The following NR1I2 variants were observed in gnomAD, a reference collection of about 807,000 sequenced individuals.
NR1I2 encodes the protein nuclear receptor subfamily 1 group I member 2.
In NR1I2, 42 loss-of-function variants were observed where a neutral mutation model predicts 43.3. The observed-to-expected ratio is 0.97, with a 90% CI of 0.76 to 1.26. NR1I2 has a LOEUF of 1.26. Ranked by LOEUF, NR1I2 falls within the 50% of genes most tolerant of loss-of-function variation. NR1I2 has a pLI of 0.00. For missense variants in NR1I2, 559 were observed against 566.7 expected (o/e 0.99, Z 0.14); for synonymous variants, 229 against 215.0 (o/e 1.06, Z -0.57).
intron 1 of NR1I2, among the ~76,000 whole-genome samples, chr3:119,801,158 C>T (rs2055074869): frequency 6.6e-6 from 1 of 152,188 alleles, no homozygotes; most frequent in Non-Finnish European, 1.5e-5. Flanking sequence ...TTTATTCACT[C>T]ATTTATTAAA....
At chr3:119,813,240 A>G (rs1241582469) in intron 5 of NR1I2, among the ~76,000 whole-genome samples, 1 of 152,242 alleles carries the variant, frequency 6.6e-6, no homozygotes, top group Admixed American at 6.5e-5. Context: ...GTGAAATAAG[A>G]ACACATCCGA....
intron 1 of NR1I2, among the ~76,000 whole-genome samples, chr3:119,794,580 C>T (rs1052324660): frequency 4.6e-5 from 7 of 152,020 alleles, no homozygotes; most frequent in Middle Eastern, 3.4e-3. Flanking sequence ...CCACCTCAGC[C>T]TCCCAAAGTG....
intron 1 of NR1I2, among the ~76,000 whole-genome samples, chr3:119,798,657 A>AAAAAG (rs2055034203): frequency 6.7e-6 from 1 of 148,286 alleles, no homozygotes; most frequent in African/African-American, 2.5e-5. Context: ...AAAAAAAAGA[A>AAAAAG]AAAGAAAGAA....
rs1453535065 is a variant in NR1I2 at position 119,817,939 on chromosome 3, T to A, written c.*727T>A. On this transcript the variant is annotated 3_prime_UTR_variant, in exon 9 of 9. Coordinates refer to ENST00000393716, the MANE Select transcript of NR1I2 (RefSeq NM_003889.4). ...ATATAGATCCTGAGCTCACAGAGTTTATAGTTAAAAAAACAAACAGAAACA... is the reference window on the plus strand; with the variant it reads ...ATATAGATCCTGAGCTCACAGAGTTAATAGTTAAAAAAACAAACAGAAACA... The A allele has an allele frequency of 2.1e-5, 21 of 984,496 alleles. No homozygotes were observed. The highest frequency in any genetic ancestry group is 2.3e-5 in the Non-Finnish European group (19 of 829,148). The allele number at this position is 984,496 out of a possible 1,614,324, so 61.0% of individuals were successfully genotyped here.
chr3:119,799,563 A>AT (rs1321598260), intron 1 of NR1I2, among the ~76,000 whole-genome samples: 10 of 152,198 alleles, frequency 6.6e-5, no homozygotes, highest in Middle Eastern at 3.4e-3. Flanking sequence ...TTTGTGCCAT[A>AT]TTTTTTCTGA....
At chr3:119,811,441 G>A in intron 3 of NR1I2, 98 bp from the exon 4 acceptor site, 4 of 1,209,490 alleles carry the variant, frequency 3.3e-6, no homozygotes, top group South Asian at 3.2e-5. Flanking sequence ...TTTGCCTAAC[G>A]GCTTCTGCTG....
In NR1I2 at chr3:119,807,088, CT is replaced by C. The variant is rs565595061; in HGVS notation, c.-22-134del. On this transcript the variant is annotated intron_variant, in intron 1 of 8. Transcript: ENST00000393716. ...TAACAATTCCAACCCCCATTCCCCG[CT>C]TTTTTTCCCCATGAGAGGTCAGCTC... 87 of 737,126 alleles carry C rather than the reference CT, an allele frequency of 1.2e-4. 2 individuals carry two copies. The highest frequency in any genetic ancestry group is 1.0e-3 in the South Asian group (67 of 64,190). The allele number at this position is 737,126 out of a possible 1,614,324, so 45.7% of individuals were successfully genotyped here. A position where few individuals can be genotyped will look rare whatever the true frequency, so the allele number is the denominator to read the frequency against.
chr3:119,817,304 A>G lies in NR1I2; in HGVS notation c.*92A>G. The stretch of plus-strand genomic sequence containing the variant: ...GGGCCAAGACAGATGGACACTGCCA[A>G]GAGCCGACAATGCCCTGCTGGCCTG... On this transcript the variant is annotated 3_prime_UTR_variant, in exon 9 of 9. Transcript: ENST00000393716. 1 of 1,599,882 alleles carries G rather than the reference A, an allele frequency of 6.3e-7. No homozygotes were observed.
At chr3:119,812,057 T>C (rs1559790437) in intron 4 of NR1I2, among the ~76,000 whole-genome samples, 1 of 152,138 alleles carries the variant, frequency 6.6e-6, no homozygotes, top group Non-Finnish European at 1.5e-5. Flanking sequence ...TGCTCTCTCC[T>C]TTAAGGCAGG....
In NR1I2 at chr3:119,798,963, G is replaced by A. The variant is rs958969374; in HGVS notation, c.-22-8266G>A. On this transcript the variant is annotated intron_variant, in intron 1 of 8. Transcript: ENST00000393716. The stretch of plus-strand genomic sequence containing the variant: ...CCACGAACCGGTTGATGAATATGTG[G>A]GTCGGGTTTTGGGCTATTATGAATA... Among the ~76,000 whole-genome samples, 7 of 152,134 alleles carry A rather than the reference G, an allele frequency of 4.6e-5. No individual in the cohort carries two copies. The East Asian group carries it at 7.7e-4, about 17-fold the overall frequency.
At chr3:119,810,598 T>A in intron 3 of NR1I2, 1 of 223,080 alleles carries the variant, frequency 4.5e-6, no homozygotes. Context: ...GCCTTCTAGG[T>A]GCTAGCCCCA....
At chr3:119,797,057 T>C (rs55987931) in intron 1 of NR1I2, among the ~76,000 whole-genome samples, 20,227 of 152,154 alleles carry the variant, frequency 0.13, 2,042 homozygotes, top group East Asian at 0.3. Context: ...GGCTGCCGGC[T>C]AGCTGGGTCC....
At chr3:119,801,886 G>T (rs1262256704) in intron 1 of NR1I2, among the ~76,000 whole-genome samples, 1 of 152,170 alleles carries the variant, frequency 6.6e-6, no homozygotes, top group African/African-American at 2.4e-5. Context: ...GCGATCTCAG[G>T]CCTCTCCCTC....
intron 2 of NR1I2, among the ~76,000 whole-genome samples, chr3:119,808,013 G>A (rs2055185717): frequency 6.6e-6 from 1 of 152,186 alleles, no homozygotes; most frequent in Non-Finnish European, 1.5e-5. Context: ...CGTGGTGGCT[G>A]GGCATTCAAA....
intron 5 of NR1I2, among the ~76,000 whole-genome samples, chr3:119,813,366 G>C (rs538261321): frequency 6.6e-6 from 1 of 152,214 alleles, no homozygotes; most frequent in East Asian, 1.9e-4. Context: ...AAAAGATAAG[G>C]CTGTGAAGGC....
rs1415281095 is a variant in NR1I2 at position 119,792,216 on chromosome 3, C to T, written c.-23+9916C>T. 3.0e-5 allele frequency: 45 copies of T among 1,498,648 alleles called. No homozygotes were observed. In the East Asian group the frequency reaches 5.9e-4, roughly 20 times the overall value. 92.8% of individuals were successfully genotyped at this position (1,498,648 alleles called of 1,614,324 possible). A position where few individuals can be genotyped will look rare whatever the true frequency, so the allele number is the denominator to read the frequency against. ...TGAGATCCTCAAGTCAGTGGTGGCT[C>T]GCTTTGATGCTGGAGAACTAATCAC... On this transcript the variant is annotated intron_variant, in intron 1 of 8. Transcript: ENST00000393716.
intron 1 of NR1I2, chr3:119,782,705 CT>C: frequency 2.2e-6 from 3 of 1,350,086 alleles, no homozygotes; most frequent in South Asian, 1.2e-5. Flanking sequence ...GTCCTGATTC[CT>C]TTTGGCCTGC....
chr3:119,810,583 C>A, intron 3 of NR1I2: 1 of 259,444 alleles, frequency 3.9e-6, no homozygotes. Context: ...GTGATAGGAC[C>A]CGGGGCCTTC....
In NR1I2 at chr3:119,810,155, C is replaced by G; in HGVS notation, c.292C>G (p.Arg98Gly). The G allele has an allele frequency of 6.2e-7, 1 of 1,612,680 alleles. No homozygotes were observed. The highest frequency in any genetic ancestry group is 8.5e-7 in the Non-Finnish European group (1 of 1,179,626). ...GACCCGGCGACAGTGCCAGGCCTGC[C>G]GCCTGCGCAAGTGCCTGGAGAGCGG... The change falls in exon 3 of 9, where the codon CGC becomes GGC. Residue 98 changes from arginine (R) to glycine (G), a missense_variant. Physicochemically the swap from Arg to Gly is moderately radical, Grantham distance 125. This residue lies in a region of NR1I2 where 232 missense variants were observed against 236.6 expected (regional missense o/e 0.98). Coordinates refer to ENST00000393716, the MANE Select transcript of NR1I2 (RefSeq NM_003889.4).
Sources: gnomAD v4.1 joint callset for allele counts (sites outside exome capture counted in the v4.1 genomes callset) on GRCh38, gnomAD v4.1.1 for gene constraint, gnomAD v4.1.1 regional missense constraint, MANE v1.5 for transcripts, NCBI Gene and HGNC (gene_info 2026-07-23, HGNC 2026-07-21) for gene names.